WDR86: variants seen among roughly 807,000 people sequenced by gnomAD.
WDR86 encodes WD repeat domain 86, also known as WD repeat-containing protein 86.
A neutral mutation model predicts 36.5 loss-of-function variants in WDR86; 30 were observed. That is an observed-to-expected ratio of 0.82 (90% CI 0.61 to 1.11). The LOEUF is 1.11. Ranked by LOEUF, WDR86 falls within the 50% of genes most tolerant of loss-of-function variation. The pLI is 0.00. For synonymous variants in WDR86, 255 were observed against 252.9 expected (o/e 1.01, Z -0.08); for missense variants, 545 against 561.2 (o/e 0.97, Z 0.29).
chr7:151,381,666 C>T lies in WDR86; in HGVS notation c.1047G>A (p.Pro349=). 6 of 1,410,480 alleles carry T rather than the reference C, an allele frequency of 4.3e-6. No homozygotes were observed. The highest frequency in any genetic ancestry group is 5.5e-6 in the Non-Finnish European group (6 of 1,093,234). 87.4% of individuals were successfully genotyped at this position (1,410,480 alleles called of 1,614,324 possible). The part of the protein sequence containing the change: ...LWDVRGLRGA[P]RPPPPMRSLS... Reference sequence around the variant, plus strand: ...GGCTGCGCATGGGCGGAGGGGGCCGCGGGGCACCTCGGAGCCCGCGCACGT... The same window carrying T: ...GGCTGCGCATGGGCGGAGGGGGCCGTGGGGCACCTCGGAGCCCGCGCACGT... The change falls in exon 6 of 6, where the codon CCG becomes CCA. Residue 349 remains proline (P), a synonymous_variant. Transcript: ENST00000334493. This position sits in a 1 kb window ranked among gnomAD's most constrained non-coding sequence, Gnocchi z 4.8.
At chr7:151,402,070 A>AAAAAAAAAATATATATAT in intron 1 of WDR86, among the ~76,000 whole-genome samples, 4 of 50,528 alleles carry the variant, frequency 7.9e-5, no homozygotes, top group South Asian at 4.9e-4. Flanking sequence ...AAAAAAAAAA[A>AAAAAAAAAATATATATAT]ATATATATAT....
rs1013757070 is a variant in WDR86, at chr7:151,401,984, G to C, written c.164-1743C>G. 1.1e-4 allele frequency among the ~76,000 whole-genome samples: 16 copies of C among 143,116 alleles called. No individual in the cohort carries two copies. Among genetic ancestry groups the C allele is most frequent in the African/African-American group, 4.0e-4 (15 of 37,796 alleles). 93.9% of individuals were successfully genotyped at this position (143,116 alleles called of 152,430 possible). ...AACTGCTTGAACCCGGAAGGCGGAG[G>C]CTGCAGTGAGCTGAGGTTGCACCAC... On this transcript the variant is annotated intron_variant, in intron 1 of 5. Coordinates refer to ENST00000334493, the MANE Select transcript of WDR86 (RefSeq NM_198285.3). This position sits in a 1 kb window ranked among gnomAD's most constrained non-coding sequence, Gnocchi z 4.3.
chr7:151,380,179 G>T (rs1025332039), downstream of WDR86, among the ~76,000 whole-genome samples: 1 of 152,206 alleles, frequency 6.6e-6, no homozygotes, highest in Non-Finnish European at 1.5e-5. Context: ...TGGGGTGGGG[G>T]TCGGGGGCAC....
Position 151,409,314 on chromosome 7 carries a change from A to T in WDR86, c.163+113T>A. The T allele has an allele frequency of 6.8e-7, 1 of 1,470,416 alleles. No homozygotes were observed. Among genetic ancestry groups the T allele is most frequent in the South Asian group, 1.3e-5 (1 of 79,240 alleles). 91.1% of individuals were successfully genotyped at this position (1,470,416 alleles called of 1,614,324 possible). On this transcript the variant is annotated intron_variant, in intron 1 of 5. Coordinates refer to ENST00000334493, the MANE Select transcript of WDR86 (RefSeq NM_198285.3). This position sits in a 1 kb window ranked among gnomAD's most constrained non-coding sequence, Gnocchi z 5.2. The stretch of plus-strand genomic sequence containing the variant: ...AGCGCTCTTCCGCTAGTGTGCCGGG[A>T]TGAGCGGGGGCTGGACTTCTAGAAA...
chr7:151,383,014 T>C (rs1584994393), intron 4 of WDR86, among the ~76,000 whole-genome samples: 3 of 150,226 alleles, frequency 2.0e-5, no homozygotes, highest in Admixed American at 2.0e-4. Context: ...AGACAGGGTC[T>C]CACTCTGTTG....
At chr7:151,385,045 C>T in intron 4 of WDR86, 43 bp downstream of exon 4, 1 of 1,538,328 alleles carries the variant, frequency 6.5e-7, no homozygotes, top group Non-Finnish European at 8.8e-7. Context: ...AGAGGAGAAG[C>T]CAGGCTGGGG....
At chr7:151,375,786 C>T (rs946923908), downstream of WDR86, 159 of 1,108,034 alleles carry the variant, frequency 1.4e-4, no homozygotes, top group Non-Finnish European at 3.0e-5. Flanking sequence ...CAGGGTGCAG[C>T]GCCTGTCTGA....
upstream of WDR86, chr7:151,410,689 T>A (rs1801144911): frequency 6.6e-6 from 1 of 152,428 alleles, no homozygotes; most frequent in South Asian, 2.1e-4. Flanking sequence ...TGGTTTCCAT[T>A]AGGGCAGTTC....
intron 1 of WDR86, among the ~76,000 whole-genome samples, chr7:151,407,829 G>A (rs1358270705): frequency 5.3e-5 from 8 of 151,980 alleles, no homozygotes; most frequent in African/African-American, 1.5e-4. Context: ...CAACAAGAGC[G>A]AAACTCCATC....
chr7:151,402,070 A>AAAAAATATATATAT, intron 1 of WDR86, among the ~76,000 whole-genome samples: 18 of 50,528 alleles, frequency 3.6e-4, no homozygotes, highest in East Asian at 4.9e-4. Flanking sequence ...AAAAAAAAAA[A>AAAAAATATATATAT]ATATATATAT....
chr7:151,392,168 C>A (rs73474450), intron 3 of WDR86, among the ~76,000 whole-genome samples: 1 of 152,190 alleles, frequency 6.6e-6, no homozygotes, highest in Non-Finnish European at 1.5e-5. Flanking sequence ...CCTCCCGGAC[C>A]CCAGCTCTGA....
At chr7:151,384,344 T>C (rs567721117) in intron 4 of WDR86, among the ~76,000 whole-genome samples, 12 of 152,304 alleles carry the variant, frequency 7.9e-5, no homozygotes, top group African/African-American at 2.9e-4. Context: ...TGATTCTCTA[T>C]CTCTTGCAGA....
At chr7:151,374,298 G>C, downstream of WDR86, 2 of 1,539,076 alleles carry the variant, frequency 1.3e-6, no homozygotes, top group Non-Finnish European at 1.8e-6. Flanking sequence ...GTCCTGCCCA[G>C]AGCTCCCTCC....
At chr7:151,376,642 C>T (rs1337946391), downstream of WDR86, 3 of 1,610,354 alleles carry the variant, frequency 1.9e-6, no homozygotes, top group Non-Finnish European at 2.5e-6. Flanking sequence ...AGTTGGTGTA[C>T]ATGGGTTTTG....
At chr7:151,387,082 G>T (rs1368067630) in intron 3 of WDR86, among the ~76,000 whole-genome samples, 4 of 152,196 alleles carry the variant, frequency 2.6e-5, no homozygotes, top group African/African-American at 9.6e-5. Flanking sequence ...TCCAGAGCCA[G>T]CCAGGCTCCC....
chr7:151,409,472 G>C lies in WDR86; in HGVS notation c.118C>G (p.Arg40Gly), dbSNP rs777427624. 14 of 1,537,632 alleles carry C rather than the reference G, an allele frequency of 9.1e-6. No homozygotes were observed. In the South Asian group the frequency reaches 1.5e-4, roughly 17 times the overall value. Residue 40 changes from arginine to glycine, a missense_variant, in exon 1 of 6, where the codon CGG becomes GGG. By Grantham distance (125) the Arg-to-Gly change is moderately radical (BLOSUM62 -2). Transcript: ENST00000334493. The surrounding 1 kb of genome is among the most constrained non-coding windows in gnomAD (Gnocchi z 5.2). ...TGGCCGTCCGCGGTGCTCCAGAGCC[G>C]GGCCGTGCCGTCCTCGCTGCCCGTC... is the stretch of plus-strand genomic sequence containing the variant. ...LLTGSEDGTA[R>G]LWSTADGQCC...
At chr7:151,397,632 G>GGGAGGAAGAGGGCGTAGCA (rs1307039645) in intron 2 of WDR86, among the ~76,000 whole-genome samples, 2 of 77,066 alleles carry the variant, frequency 2.6e-5, no homozygotes, top group African/African-American at 8.7e-5. Context: ...AGGGTGTAGC[G>GGGAGGAAGAGGGCGTAGCA]GGAGGAAGGG....
downstream of WDR86, chr7:151,375,731 C>T: frequency 1.5e-6 from 1 of 688,420 alleles, no homozygotes; most frequent in South Asian, 1.6e-5. Flanking sequence ...GCCCCTTTCT[C>T]TGCCTCATAG....
downstream of WDR86, chr7:151,376,728 A>C: frequency 6.2e-7 from 1 of 1,605,532 alleles, no homozygotes; most frequent in Non-Finnish European, 8.5e-7. Flanking sequence ...CTTGCTCACA[A>C]CGGAGGAAGC....
Sources: allele counts gnomAD v4.1 joint callset (sites outside exome capture counted in the v4.1 genomes callset), GRCh38; gene constraint gnomAD v4.1.1; non-coding constraint Gnocchi (gnomAD v3.1); transcripts MANE v1.5; gene names NCBI Gene and HGNC (gene_info 2026-07-23, HGNC 2026-07-21).